GYPE: variants seen among roughly 807,000 people sequenced by gnomAD.
GYPE encodes the protein glycophorin E (MNS blood group), also known as glycophorin-E.
In GYPE, 8 loss-of-function variants were observed where a neutral mutation model predicts 11.6. The observed-to-expected ratio is 0.69, with a 90% CI of 0.41 to 1.25. The LOEUF (loss-of-function observed/expected upper bound fraction) is 1.25. Among genes scored for constraint, GYPE ranks in the 50% most tolerant of loss-of-function variants. GYPE has a pLI of 0.01. For missense variants in GYPE, 90 were observed against 92.8 expected (o/e 0.97, Z 0.12); for synonymous variants, 28 against 29.6 (o/e 0.94, Z 0.18).
At position 143,871,597 on chromosome 4, in the gene GYPE, G is replaced by A. The variant is rs1210795019; in HGVS notation, c.*665C>T. ...ACCTGGTGGTGAATATATGGTAATG[G>A]GTAAATCCCACTTCACCTAATGAAG... On this transcript the variant is annotated 3_prime_UTR_variant, in exon 4 of 4. Transcript: ENST00000358615. The A allele has an allele frequency of 6.6e-6, 1 of 152,042 alleles. No individual in the cohort carries two copies. The highest frequency in any genetic ancestry group is 1.5e-5 in the Non-Finnish European group (1 of 68,058). 9.4% of individuals were successfully genotyped at this position (152,042 alleles called of 1,614,324 possible).
chr4:143,898,278 G>A (rs1336050495), intron 1 of GYPE, among the ~76,000 whole-genome samples: 2 of 152,186 alleles, frequency 1.3e-5, no homozygotes, highest in Admixed American at 6.5e-5. Flanking sequence ...TTGGGAGGCT[G>A]AGGCAGGAGA....
chr4:143,877,461 AT>A (rs1378476986), intron 2 of GYPE, among the ~76,000 whole-genome samples: 2 of 152,186 alleles, frequency 1.3e-5, no homozygotes, highest in Non-Finnish European at 2.9e-5. Context: ...AATATAGTCA[AT>A]AAAAATGCTT....
chr4:143,902,270 A>T (rs191518881), intron 1 of GYPE, among the ~76,000 whole-genome samples: 152 of 151,020 alleles, frequency 1.0e-3, no homozygotes, highest in African/African-American at 3.6e-3. Flanking sequence ...ATTCCCTGGC[A>T]TACAGTTCCT....
At position 143,876,790 on chromosome 4, in the gene GYPE, C is replaced by A; in HGVS notation, c.202G>T (p.Gly68Ter). 6.2e-7 allele frequency: 1 copy of A among 1,607,338 alleles called. No individual in the cohort carries two copies. Among genetic ancestry groups the A allele is most frequent in the South Asian group, 1.1e-5 (1 of 90,632 alleles). The change falls in exon 3 of 4, where the codon GGA (glycine) becomes TGA (stop). Residue 68 changes from glycine to a stop codon, truncating the protein, a stop_gained. Transcript: ENST00000358615. LOFTEE classifies it high-confidence loss of function. The part of the protein sequence containing the change: ...VIFEVMLVVV[G>*]MIILISYCIR ...CAGTAAGAAATTAAGATGATCATTC[C>A]AACAACAACAAGCATCACCTCAAAA...
At chr4:143,872,842 CA>C (rs1419199600) in intron 3 of GYPE, among the ~76,000 whole-genome samples, 2 of 149,826 alleles carry the variant, frequency 1.3e-5, no homozygotes, top group Non-Finnish European at 2.9e-5. Context: ...GGGAAAAGTT[CA>C]GTGGTTGCAA....
intron 1 of GYPE, among the ~76,000 whole-genome samples, chr4:143,888,436 C>G (rs1260830992): frequency 1.0e-5 from 1 of 99,750 alleles, no homozygotes; most frequent in Non-Finnish European, 2.1e-5. Flanking sequence ...AGGACACACC[C>G]TTCATATGAA....
intron 3 of GYPE, among the ~76,000 whole-genome samples, chr4:143,875,988 TAAAA>T (rs937630534): frequency 6.7e-6 from 1 of 148,796 alleles, no homozygotes; most frequent in Non-Finnish European, 1.5e-5. Context: ...AAAAAAAAAA[TAAAA>T]AAAGCATTAA....
At chr4:143,889,864 C>T (rs1744339306) in intron 1 of GYPE, among the ~76,000 whole-genome samples, 1 of 152,120 alleles carries the variant, frequency 6.6e-6, no homozygotes, top group Non-Finnish European at 1.5e-5. Flanking sequence ...AAAAAAACAT[C>T]AGAAACATTG....
rs541223724 is a variant in GYPE, at chr4:143,897,034, C to A, written c.37+8437G>T. On this transcript the variant is annotated intron_variant, in intron 1 of 3. Coordinates refer to ENST00000358615, the MANE Select transcript of GYPE (RefSeq NM_198682.3). ...GGGTGGGGGCAGGGGGGAGGGATAG[C>A]ATTAAGAGATATACCTAATGCTAAA... Among the ~76,000 whole-genome samples, 3 of 152,106 alleles carry A rather than the reference C, an allele frequency of 2.0e-5. No individual in the cohort carries two copies. In the East Asian group the frequency reaches 5.8e-4, roughly 29 times the overall value.
chr4:143,885,700 A>AT (rs1197672525), intron 1 of GYPE, among the ~76,000 whole-genome samples: 1 of 148,382 alleles, frequency 6.7e-6, no homozygotes, highest in Non-Finnish European at 1.5e-5. Flanking sequence ...AAGGTAACAC[A>AT]TTGACACAAT....
intron 1 of GYPE, among the ~76,000 whole-genome samples, chr4:143,881,910 G>C (rs958976365): frequency 5.9e-5 from 9 of 152,172 alleles, no homozygotes; most frequent in East Asian, 3.9e-4. Context: ...AATGCTCAAA[G>C]TTTCCTGGAG....
chr4:143,903,591 T>C (rs1744949294), intron 1 of GYPE, among the ~76,000 whole-genome samples: 1 of 146,340 alleles, frequency 6.8e-6, no homozygotes, highest in South Asian at 2.2e-4. Flanking sequence ...AGCTAATCAG[T>C]ATGGGGGAAA....
At chr4:143,876,197 T>G (rs1041739553) in intron 3 of GYPE, among the ~76,000 whole-genome samples, 3 of 152,060 alleles carry the variant, frequency 2.0e-5, no homozygotes, top group Non-Finnish European at 2.9e-5. Flanking sequence ...CACTGCAGCC[T>G]TTATTTCCCA....
In GYPE at chr4:143,876,992, A is replaced by AT. The variant is rs1258254877; in HGVS notation, c.137-138dup. 16 of 657,884 alleles carry AT rather than the reference A, an allele frequency of 2.4e-5. No individual in the cohort carries two copies. The African/African-American group carries it at 2.9e-4, about 12-fold the overall frequency. 40.8% of individuals were successfully genotyped at this position (657,884 alleles called of 1,614,324 possible). A position where few individuals can be genotyped will look rare whatever the true frequency, so the allele number is the denominator to read the frequency against. ...GTACAATTAATATACTATCATGTGT[A>AT]TTTTGTCTTTTTTAAAACTGTGTGC... is the stretch of plus-strand genomic sequence containing the variant. On this transcript the variant is annotated intron_variant, in intron 2 of 3. Coordinates refer to ENST00000358615, the MANE Select transcript of GYPE (RefSeq NM_198682.3).
chr4:143,879,565 T>C (rs986620824), intron 2 of GYPE, among the ~76,000 whole-genome samples: 2 of 152,172 alleles, frequency 1.3e-5, no homozygotes, highest in Non-Finnish European at 2.9e-5. Flanking sequence ...CAGAGTTCAA[T>C]CACAACAATG....
At chr4:143,876,999 C>CT (rs1447096980) in intron 2 of GYPE, 144 bp from the exon 3 acceptor site, 1 of 648,412 alleles carries the variant, frequency 1.5e-6, no homozygotes, top group Non-Finnish European at 2.8e-6. Flanking sequence ...TGTATTTTGT[C>CT]TTTTTTAAAA....
chr4:143,893,543 A>G (rs1207815817), intron 1 of GYPE, among the ~76,000 whole-genome samples: 1 of 151,712 alleles, frequency 6.6e-6, no homozygotes, highest in African/African-American at 2.4e-5. Context: ...TTGTCTGTAA[A>G]GTATTTTATA....
At chr4:143,893,196 A>C (rs1157554473) in intron 1 of GYPE, among the ~76,000 whole-genome samples, 2 of 131,256 alleles carry the variant, frequency 1.5e-5, no homozygotes, top group Non-Finnish European at 3.2e-5. Flanking sequence ...TTTTGAGCCT[A>C]TGTGTGTCTC....
At chr4:143,880,338 G>C in intron 2 of GYPE, 73 bp downstream of exon 2, 1 of 1,609,848 alleles carries the variant, frequency 6.2e-7, no homozygotes, top group Non-Finnish European at 8.5e-7. Context: ...TGCAGTGACA[G>C]GTCCCCTAAA....
Sources: allele counts gnomAD v4.1 joint callset (sites outside exome capture counted in the v4.1 genomes callset), GRCh38; gene constraint gnomAD v4.1.1; transcripts MANE v1.5; gene names NCBI Gene and HGNC (gene_info 2026-07-23, HGNC 2026-07-21).